Variants in FRMD4A observed in about 807,000 individuals in gnomAD.
FRMD4A encodes the protein FERM domain-containing protein 4A.
Under a neutral mutation model 129.1 loss-of-function variants are expected in FRMD4A, and 29 were observed. That is an observed-to-expected ratio of 0.22 (90% CI 0.17 to 0.31). The LOEUF is 0.31. Among genes scored for constraint, FRMD4A ranks in the 10% least tolerant of loss-of-function variants. The pLI, the probability that FRMD4A is intolerant of heterozygous loss-of-function variation, is 1.00. For synonymous variants in FRMD4A, 634 were observed against 571.6 expected, an observed-to-expected ratio of 1.11 and a Z score of -1.56; for missense variants, 1,272 against 1,375.8, an observed-to-expected ratio of 0.92 and a Z score of 1.19.
chr10:13,648,538 TC>T (rs1208166597), intron 24 of FRMD4A: 1 of 151,530 alleles, frequency 6.6e-6, no homozygotes, highest in African/African-American at 2.4e-5. Flanking sequence ...CCAATGAGAG[TC>T]CCCCGATCAA....
chr10:14,244,857 C>A (rs1183008289), intron 2 of FRMD4A, among the ~76,000 whole-genome samples: 1 of 152,220 alleles, frequency 6.6e-6, no homozygotes, highest in Non-Finnish European at 1.5e-5. Flanking sequence ...CTTACTTTGA[C>A]CATTAAGATG....
Position 13,693,976 on chromosome 10 carries a change from G to C in FRMD4A, c.1039C>G (p.Leu347Val). 2 of 1,568,816 alleles carry C rather than the reference G, an allele frequency of 1.3e-6. No individual in the cohort carries two copies. The highest frequency in any genetic ancestry group is 2.4e-5 in the South Asian group (2 of 82,412). ...ATGTTGGCCAGCTTCGAGGTCTTCA[G>C]CGTCCCCGTCTCGGTCAGGTCGATG... is the stretch of plus-strand genomic sequence containing the variant. ...IAIDLTETGT[L>V]KTSKLANMGS... Residue 347 changes from leucine to valine, a missense_variant, in exon 15 of 25, where the codon CTG becomes GTG. Transcript: ENST00000357447.
At chr10:13,654,103 A>C (rs114570621) in intron 23 of FRMD4A, 1 of 524,368 alleles carries the variant, frequency 1.9e-6, no homozygotes, top group Non-Finnish European at 3.3e-6. Context: ...AGTATAATCC[A>C]AACCGAAATG....
chr10:14,066,408 T>C (rs1178497382), intron 2 of FRMD4A, among the ~76,000 whole-genome samples: 1 of 152,158 alleles, frequency 6.6e-6, no homozygotes, highest in Non-Finnish European at 1.5e-5. Context: ...CCTGGCTGAT[T>C]GTAGCTTAGG....
At chr10:14,151,591 T>C (rs1840341733) in intron 2 of FRMD4A, among the ~76,000 whole-genome samples, 1 of 152,116 alleles carries the variant, frequency 6.6e-6, no homozygotes, top group African/African-American at 2.4e-5. Context: ...CAATCCCCCC[T>C]TTACACATGT....
chr10:14,093,687 G>A (rs976553477), intron 2 of FRMD4A, among the ~76,000 whole-genome samples: 2 of 152,218 alleles, frequency 1.3e-5, no homozygotes, highest in Non-Finnish European at 2.9e-5. Context: ...AAAATTATCA[G>A]CAGAGTGCTA....
rs989976327 is a variant in FRMD4A, at chr10:14,017,995, T to A, written c.46-159083A>T. The stretch of plus-strand genomic sequence containing the variant: ...CAGTGGACAAATCCTTAGAGGTAGA[T>A]GAGGATGAGTAGGGGATTCTAACTG... On this transcript the variant is annotated intron_variant, in intron 2 of 24. Transcript: ENST00000357447. Among the ~76,000 whole-genome samples, 37 of 152,114 alleles carry A rather than the reference T, an allele frequency of 2.4e-4. 1 individual carries two copies. Among genetic ancestry groups the A allele is most frequent in the Non-Finnish European group, 2.9e-5 (2 of 68,024 alleles).
intron 2 of FRMD4A, among the ~76,000 whole-genome samples, chr10:14,318,020 C>T (rs896665705): frequency 2.6e-5 from 4 of 152,134 alleles, no homozygotes; most frequent in Non-Finnish European, 5.9e-5. Flanking sequence ...AAAGAGGCTA[C>T]CTCACTCAGT....
chr10:14,302,869 A>G (rs1440440998), intron 2 of FRMD4A, among the ~76,000 whole-genome samples: 1 of 152,228 alleles, frequency 6.6e-6, no homozygotes, highest in African/African-American at 2.4e-5. Flanking sequence ...ACTAAGCCCT[A>G]TATCAAGGCA....
At chr10:13,749,376 C>T (rs2091454281) in intron 8 of FRMD4A, among the ~76,000 whole-genome samples, 1 of 151,998 alleles carries the variant, frequency 6.6e-6, no homozygotes, top group Non-Finnish European at 1.5e-5. Context: ...TTTTTCATTG[C>T]TAAAAAGCAA....
At chr10:13,924,609 A>G (rs1432990232) in intron 2 of FRMD4A, among the ~76,000 whole-genome samples, 2 of 152,002 alleles carry the variant, frequency 1.3e-5, no homozygotes, top group Non-Finnish European at 2.9e-5. Context: ...CTCCTAGACT[A>G]TTTTATTTTT....
chr10:13,965,531 G>A (rs2095480355), intron 2 of FRMD4A, among the ~76,000 whole-genome samples: 1 of 152,124 alleles, frequency 6.6e-6, no homozygotes, highest in Admixed American at 6.5e-5. Flanking sequence ...CTTTATTGAA[G>A]GAACTAGAAT....
At chr10:14,257,835 T>G (rs1461692160) in intron 2 of FRMD4A, among the ~76,000 whole-genome samples, 1 of 152,254 alleles carries the variant, frequency 6.6e-6, no homozygotes, top group Admixed American at 6.5e-5. Flanking sequence ...CTTGCCAACT[T>G]GATTTCAGAC....
intron 6 of FRMD4A, among the ~76,000 whole-genome samples, chr10:13,780,185 A>T (rs1448696854): frequency 6.6e-6 from 1 of 151,938 alleles, no homozygotes; most frequent in Non-Finnish European, 1.5e-5. Flanking sequence ...AAACTAGCCA[A>T]GCGTGGTGGT....
chr10:13,752,253 C>T (rs1156542635), intron 8 of FRMD4A, among the ~76,000 whole-genome samples: 3 of 152,140 alleles, frequency 2.0e-5, no homozygotes, highest in Non-Finnish European at 2.9e-5. Flanking sequence ...GCAGCCTATA[C>T]TCCTCACGAA....
At chr10:13,654,394 A>G (rs918800644) in intron 23 of FRMD4A, 22 bp downstream of exon 23, 1 of 1,466,300 alleles carries the variant, frequency 6.8e-7, no homozygotes, top group African/African-American at 1.4e-5. Flanking sequence ...GACACAGTGA[A>G]GAACATAGAA....
At chr10:14,262,400 A>G (rs1054897661) in intron 2 of FRMD4A, among the ~76,000 whole-genome samples, 2 of 152,230 alleles carry the variant, frequency 1.3e-5, no homozygotes, top group Non-Finnish European at 2.9e-5. Context: ...AGGGCTTGGC[A>G]AAGGGTAAAT....
At chr10:13,664,559 C>G (rs2082868130) in intron 18 of FRMD4A, among the ~76,000 whole-genome samples, 1 of 152,220 alleles carries the variant, frequency 6.6e-6, no homozygotes, top group African/African-American at 2.4e-5. Context: ...ACCAGGAGCT[C>G]TGACTTCGGC....
rs140011873 is a variant in FRMD4A, at chr10:14,214,047, C to T, written c.45+116011G>A. 4.3e-3 allele frequency among the ~76,000 whole-genome samples: 648 copies of T among 152,372 alleles called. 20 individuals are homozygous for T. Among genetic ancestry groups the T allele is most frequent in the Admixed American group, 0.033 (498 of 15,308 alleles). ...TCCCCTGCACAAGCTCTCTTGGCTG[C>T]CGCCATGTAAGATGTGCGTTTGCTC... On this transcript the variant is annotated intron_variant, in intron 2 of 24. Transcript: ENST00000357447.
Sources: gnomAD v4.1 joint callset for allele counts (sites outside exome capture counted in the v4.1 genomes callset) on GRCh38, gnomAD v4.1.1 for gene constraint, MANE v1.5 for transcripts, NCBI Gene and HGNC (gene_info 2026-07-23, HGNC 2026-07-21) for gene names.